Variants in MYT1L observed in about 807,000 individuals in gnomAD.
The protein encoded by MYT1L is myelin transcription factor 1 like, also known as myelin transcription factor 1-like protein.
MYT1L carries 12 observed loss-of-function variants against 126.7 expected under a neutral mutation model. The ratio of observed to expected loss-of-function variants is 0.09; its 90% CI spans 0.06 to 0.15. The LOEUF is 0.15. Among genes scored for constraint, MYT1L ranks in the 10% least tolerant of loss-of-function variants. The pLI, the probability that MYT1L is intolerant of heterozygous loss-of-function variation, is 1.00. For missense variants in MYT1L, 979 were observed against 1,585.2 expected (o/e 0.62, Z 6.49); for synonymous variants, 541 against 604.2 (o/e 0.90, Z 1.53).
At chr2:2,323,028 A>T (rs568919645) in intron 1 of MYT1L, among the ~76,000 whole-genome samples, 1 of 152,322 alleles carries the variant, frequency 6.6e-6, no homozygotes, top group Admixed American at 6.5e-5. Context: ...CATTGAAAAA[A>T]CAATAGATAA....
intron 3 of MYT1L, among the ~76,000 whole-genome samples, chr2:2,099,629 C>G (rs1285153141): frequency 6.6e-6 from 1 of 152,160 alleles, no homozygotes; most frequent in Non-Finnish European, 1.5e-5. Flanking sequence ...ATTTACTTAG[C>G]AACATCCTTT....
intron 2 of MYT1L, among the ~76,000 whole-genome samples, chr2:2,184,089 G>A (rs375488033): frequency 2.0e-5 from 3 of 151,796 alleles, no homozygotes; most frequent in Non-Finnish European, 4.4e-5. Flanking sequence ...GAGAGAGGGA[G>A]GGAGGGAAAG....
At chr2:2,116,618 G>T (rs1344761811) in intron 3 of MYT1L, among the ~76,000 whole-genome samples, 4 of 152,220 alleles carry the variant, frequency 2.6e-5, no homozygotes, top group African/African-American at 9.6e-5. Flanking sequence ...ACTCTCTTTT[G>T]ATCAACGCAA....
chr2:2,233,974 C>T (rs1245774284), intron 2 of MYT1L, among the ~76,000 whole-genome samples: 3 of 152,190 alleles, frequency 2.0e-5, no homozygotes, highest in Non-Finnish European at 2.9e-5. Flanking sequence ...TGGCACTGAT[C>T]TTATAACCAG....
rs2053074518 is a variant in MYT1L at position 1,917,848 on chromosome 2, C to T, written c.1484-509G>A. 6.6e-6 allele frequency among the ~76,000 whole-genome samples: 1 copy of T among 152,208 alleles called. No homozygotes were observed. Among genetic ancestry groups the T allele is most frequent in the South Asian group, 2.1e-4 (1 of 4,826 alleles). On this transcript the variant is annotated intron_variant, in intron 10 of 24. Coordinates refer to ENST00000647738, the MANE Select transcript of MYT1L (RefSeq NM_001303052.2). This position sits in a 1 kb window ranked among gnomAD's most constrained non-coding sequence, Gnocchi z 5.9. ...TTTTACTGACATTGAAATTTGCTCT[C>T]CGGAGGTCAAGTGACATTGTTTCGT...
At chr2:1,819,935 G>A (rs1572537227) in intron 21 of MYT1L, among the ~76,000 whole-genome samples, 1 of 152,174 alleles carries the variant, frequency 6.6e-6, no homozygotes. Flanking sequence ...ACAAAGGATT[G>A]GAAGCATGTA....
chr2:2,039,170 T>G (rs1216871048), intron 4 of MYT1L, among the ~76,000 whole-genome samples: 4 of 152,140 alleles, frequency 2.6e-5, no homozygotes, highest in Non-Finnish European at 4.4e-5. Context: ...CATGGGGACA[T>G]TATGGTTCAC....
chr2:2,176,006 T>C (rs1039393215), intron 2 of MYT1L, among the ~76,000 whole-genome samples: 1 of 152,232 alleles, frequency 6.6e-6, no homozygotes, highest in African/African-American at 2.4e-5. Flanking sequence ...AAGGAGCTTG[T>C]TTCCTTTGTA....
At chr2:2,142,588 G>A (rs2084167251) in intron 3 of MYT1L, among the ~76,000 whole-genome samples, 1 of 152,086 alleles carries the variant, frequency 6.6e-6, no homozygotes, top group East Asian at 1.9e-4. Flanking sequence ...CCGTTCAGAG[G>A]TACATTTGTG....
intron 2 of MYT1L, among the ~76,000 whole-genome samples, chr2:2,273,538 C>A (rs939094637): frequency 6.6e-6 from 1 of 152,170 alleles, no homozygotes; most frequent in Non-Finnish European, 1.5e-5. Flanking sequence ...GGTCGCCCAG[C>A]CAAAGCCAGT....
intron 14 of MYT1L, among the ~76,000 whole-genome samples, chr2:1,896,308 C>CA (rs1175008251): frequency 6.6e-6 from 1 of 152,186 alleles, no homozygotes; most frequent in Non-Finnish European, 1.5e-5. Context: ...ACAGAGCTAC[C>CA]ATTAGACCCA....
chr2:2,245,179 T>C (rs2094510049), intron 2 of MYT1L, among the ~76,000 whole-genome samples: 1 of 152,040 alleles, frequency 6.6e-6, no homozygotes, highest in African/African-American at 2.4e-5. Flanking sequence ...GATGAAAAAA[T>C]AATCTTGAAA....
intron 23 of MYT1L, among the ~76,000 whole-genome samples, chr2:1,795,966 T>G (rs1278700259): frequency 6.6e-6 from 1 of 152,172 alleles, no homozygotes; most frequent in African/African-American, 2.4e-5. Context: ...AAAGGTCAAA[T>G]CTAGCCTGGG....
chr2:1,898,159 T>C (rs1279148535), intron 14 of MYT1L, among the ~76,000 whole-genome samples: 2 of 152,176 alleles, frequency 1.3e-5, no homozygotes, highest in African/African-American at 4.8e-5. Context: ...GTATTCACCT[T>C]TTCTTGCAGA....
chr2:2,194,697 C>T (rs1342339283), intron 2 of MYT1L, among the ~76,000 whole-genome samples: 1 of 152,120 alleles, frequency 6.6e-6, no homozygotes, highest in Non-Finnish European at 1.5e-5. Context: ...AGACCTTCCC[C>T]CCTCATCAGA....
At chr2:1,819,067 C>T (rs958303843) in intron 21 of MYT1L, among the ~76,000 whole-genome samples, 4 of 152,134 alleles carry the variant, frequency 2.6e-5, no homozygotes, top group Non-Finnish European at 4.4e-5. Context: ...AAACAAAGGT[C>T]CCTCTCAAAG....
At chr2:2,288,305 C>T (rs2095552006) in intron 1 of MYT1L, among the ~76,000 whole-genome samples, 1 of 152,176 alleles carries the variant, frequency 6.6e-6, no homozygotes, top group Admixed American at 6.5e-5. Context: ...TCTAATTTCT[C>T]AGCAAGCGCT....
intron 8 of MYT1L, among the ~76,000 whole-genome samples, chr2:1,972,599 G>C (rs182869058): frequency 2.0e-5 from 3 of 152,276 alleles, no homozygotes; most frequent in African/African-American, 7.2e-5. Flanking sequence ...CTCTGTCAAG[G>C]CATGAATAAT....
intron 3 of MYT1L, among the ~76,000 whole-genome samples, chr2:2,106,361 C>A (rs1360382512): frequency 6.6e-6 from 1 of 152,160 alleles, no homozygotes; most frequent in East Asian, 1.9e-4. Context: ...CCTGTAATCT[C>A]AGCACTGTAG....
Sources: allele counts gnomAD v4.1 joint callset (sites outside exome capture counted in the v4.1 genomes callset), GRCh38; gene constraint gnomAD v4.1.1; non-coding constraint Gnocchi (gnomAD v3.1); transcripts MANE v1.5; gene names NCBI Gene and HGNC (gene_info 2026-07-23, HGNC 2026-07-21).